The following GCFC2 variants were observed in gnomAD, a reference collection of about 807,000 sequenced individuals.
GCFC2 encodes the protein GC-rich sequence DNA-binding factor 2, also known as intron Large complex component GCFC2.
In GCFC2, 102 loss-of-function variants were observed where a neutral mutation model predicts 99.4. That is an observed-to-expected ratio of 1.03 (90% CI 0.87 to 1.21). The LOEUF (loss-of-function observed/expected upper bound fraction) is 1.21, where lower values mean the gene tolerates loss of function less well. Among genes scored for constraint, GCFC2 ranks in the 50% most tolerant of loss-of-function variants. The probability of loss-of-function intolerance (pLI) is 0.00; values close to 1 mark genes in which losing one functional copy is unlikely to be tolerated. For missense variants in GCFC2, 973 were observed against 920.9 expected, an observed-to-expected ratio of 1.06 and a Z score of -0.73; for synonymous variants, 338 against 316.8, an observed-to-expected ratio of 1.07 and a Z score of -0.71.
chr2:75,699,562 A>ATATT (rs373661040), intron 4 of GCFC2, among the ~76,000 whole-genome samples: 3,191 of 152,248 alleles, frequency 0.021, 128 homozygotes, highest in African/African-American at 0.073. Flanking sequence ...TTTAAACTTT[A>ATATT]CATTCATTCA....
chr2:75,710,668 C>G lies in GCFC2; in HGVS notation c.188G>C (p.Gly63Ala). Residue 63 changes from glycine to alanine, a missense_variant, in exon 1 of 17, where the codon GGC (glycine) becomes GCC (alanine). Transcript: ENST00000321027. Reference sequence around the variant, plus strand: ...CCAGACCCGGCCCCGGCCACGAGGGCCCCGAACCCGGTGGGGCAGTCCCGC... The same window carrying G: ...CCAGACCCGGCCCCGGCCACGAGGGGCCCGAACCCGGTGGGGCAGTCCCGC... Reference protein sequence around the residue: ...QVAGLPHRVRGPRGRGRVWAS... With the variant: ...QVAGLPHRVRAPRGRGRVWAS... 1 of 1,520,744 alleles carries G rather than the reference C, an allele frequency of 6.6e-7. No individual in the cohort carries two copies. The highest frequency in any genetic ancestry group is 8.8e-7 in the Non-Finnish European group (1 of 1,140,192). The allele number at this position is 1,520,744 out of a possible 1,614,324, so 94.2% of individuals were successfully genotyped here. A position where few individuals can be genotyped will look rare whatever the true frequency, so the allele number is the denominator to read the frequency against.
chr2:75,667,387 GA>G (rs1395273267), intron 15 of GCFC2, among the ~76,000 whole-genome samples: 3 of 152,002 alleles, frequency 2.0e-5, no homozygotes, highest in Admixed American at 1.3e-4. Flanking sequence ...GAGAGTTGGG[GA>G]AAAAATTAAA....
At chr2:75,681,999 G>GT (rs997017702) in intron 11 of GCFC2, among the ~76,000 whole-genome samples, 2 of 151,918 alleles carry the variant, frequency 1.3e-5, no homozygotes, top group Non-Finnish European at 2.9e-5. Flanking sequence ...CTGGGGAAAG[G>GT]GGTGGCTGTG....
intron 11 of GCFC2, among the ~76,000 whole-genome samples, chr2:75,680,517 A>G (rs971606327): frequency 1.3e-5 from 2 of 152,172 alleles, no homozygotes; most frequent in African/African-American, 4.8e-5. Flanking sequence ...TGGCTAAACT[A>G]CAGCTCTTTA....
chr2:75,694,337 C>G lies in GCFC2; in HGVS notation c.924G>C (p.Gln308His), dbSNP rs1460645988. The G allele has an allele frequency of 6.8e-7, 1 of 1,460,394 alleles. No individual in the cohort carries two copies. The highest frequency in any genetic ancestry group is 1.7e-5 in the Admixed American group (1 of 57,266). The allele number at this position is 1,460,394 out of a possible 1,614,324, so 90.5% of individuals were successfully genotyped here. A position where few individuals can be genotyped will look rare whatever the true frequency, so the allele number is the denominator to read the frequency against. The change falls in exon 6 of 17, where the codon CAG becomes CAC. Residue 308 changes from glutamine to histidine, a missense_variant. Coordinates refer to ENST00000321027, the MANE Select transcript of GCFC2 (RefSeq NM_003203.5). ...CTTGATTTGATGAACTCTCTAGGTT[C>G]TGGATGGTACTCTTTGAGCTTTTGA... is the stretch of plus-strand genomic sequence containing the variant. ...QDVKSSKSTI[Q>H]NLESSSNQAL...
chr2:75,685,065 CA>C (rs1318697172), intron 11 of GCFC2, among the ~76,000 whole-genome samples: 1 of 151,916 alleles, frequency 6.6e-6, no homozygotes, highest in Non-Finnish European at 1.5e-5. Context: ...TTTTGGGGGT[CA>C]GGGGACTGGG....
chr2:75,709,522 CAG>C (rs1479805069), intron 1 of GCFC2, among the ~76,000 whole-genome samples: 2 of 152,126 alleles, frequency 1.3e-5, no homozygotes, highest in African/African-American at 2.4e-5. Flanking sequence ...ATCACAGAAG[CAG>C]AGAGTCGAGT....
At chr2:75,680,445 C>G (rs551949710) in intron 11 of GCFC2, 131 bp from the exon 12 acceptor site, 3 of 618,536 alleles carry the variant, frequency 4.9e-6, no homozygotes, top group South Asian at 2.6e-5. Flanking sequence ...CCAATTATTA[C>G]CATTACATAT....
chr2:75,711,399 C>T (rs1681178824), upstream of GCFC2, among the ~76,000 whole-genome samples: 1 of 152,162 alleles, frequency 6.6e-6, no homozygotes, highest in Non-Finnish European at 1.5e-5. Context: ...AAATGACTTC[C>T]CCCAGGCAGC....
At chr2:75,669,886 G>C (rs55987948) in intron 15 of GCFC2, 46,621 of 223,228 alleles carry the variant, frequency 0.21, 5,920 homozygotes, top group South Asian at 0.27. Context: ...CACCGCACCT[G>C]GCTAATTTTT....
At chr2:75,694,059 A>G (rs749504725) in intron 6 of GCFC2, among the ~76,000 whole-genome samples, 182 bp downstream of exon 6, 1 of 151,872 alleles carries the variant, frequency 6.6e-6, no homozygotes, top group Admixed American at 6.6e-5. Flanking sequence ...GTTACTTACA[A>G]TAATAAAATA....
intron 12 of GCFC2, among the ~76,000 whole-genome samples, chr2:75,678,443 T>C (rs1247466098): frequency 2.0e-5 from 3 of 152,188 alleles, no homozygotes; most frequent in Non-Finnish European, 4.4e-5. Flanking sequence ...CTATTGGAGG[T>C]AAGCAGAAAA....
intron 2 of GCFC2, 61 bp downstream of exon 2, chr2:75,706,462 C>T (rs749546476): frequency 3.7e-6 from 4 of 1,079,844 alleles, no homozygotes; most frequent in Non-Finnish European, 4.1e-6. Context: ...TCATTAATAA[C>T]TATATCAAAA....
intron 8 of GCFC2, 128 bp downstream of exon 8, chr2:75,690,510 C>T (rs1249292407): frequency 3.1e-6 from 2 of 640,072 alleles, no homozygotes; most frequent in Non-Finnish European, 5.4e-6. Flanking sequence ...TTTTGCTTTT[C>T]TATTATTCTT....
chr2:75,680,127 G>A (rs1679505762), intron 12 of GCFC2, 66 bp downstream of exon 12: 1 of 1,139,490 alleles, frequency 8.8e-7, no homozygotes. Flanking sequence ...TATAAACCAA[G>A]ATCTGTAAGA....
At chr2:75,693,710 TG>T (rs1680185824) in intron 6 of GCFC2, among the ~76,000 whole-genome samples, 1 of 151,992 alleles carries the variant, frequency 6.6e-6, no homozygotes, top group African/African-American at 2.4e-5. Context: ...TATAAAGAAT[TG>T]TTCATACTCT....
intron 12 of GCFC2, among the ~76,000 whole-genome samples, chr2:75,679,003 A>T (rs1679459691): frequency 6.6e-6 from 1 of 152,204 alleles, no homozygotes; most frequent in Non-Finnish European, 1.5e-5. Context: ...GCGATCACCC[A>T]TTTTTTAAAT....
At chr2:75,705,132 G>T (rs1051485485) in intron 2 of GCFC2, among the ~76,000 whole-genome samples, 1 of 152,174 alleles carries the variant, frequency 6.6e-6, no homozygotes, top group African/African-American at 2.4e-5. Context: ...AGTGAAGATA[G>T]AAAATTTTTC....
rs1679835532 is a variant in GCFC2, at chr2:75,686,796, ATTTC to A, written c.1690+1027_1690+1030del. On this transcript the variant is annotated intron_variant, in intron 11 of 16. Coordinates refer to ENST00000321027, the MANE Select transcript of GCFC2 (RefSeq NM_003203.5). Reference sequence around the variant, plus strand: ...AGAGTTTTGCAGTCTTTGCTGTCAAATTTCTTTCTCAGTGACATAGTGAAACGGA... The same window carrying A: ...AGAGTTTTGCAGTCTTTGCTGTCAAATTTCTCAGTGACATAGTGAAACGGA... 6.6e-5 allele frequency among the ~76,000 whole-genome samples: 10 copies of A among 152,280 alleles called. No individual in the cohort carries two copies. In the South Asian group the frequency reaches 2.1e-3, roughly 32 times the overall value.
Sources: gnomAD v4.1 joint callset for allele counts (sites outside exome capture counted in the v4.1 genomes callset) on GRCh38, gnomAD v4.1.1 for gene constraint, MANE v1.5 for transcripts, NCBI Gene and HGNC (gene_info 2026-07-23, HGNC 2026-07-21) for gene names.